EPHB2: variants seen among roughly 807,000 people sequenced by gnomAD.
EPHB2 encodes the protein ephrin type-B receptor 2.
EPHB2 carries 18 observed loss-of-function variants against 96.4 expected under a neutral mutation model. The observed-to-expected ratio is 0.19, with a 90% confidence interval of 0.13 to 0.28. The LOEUF (loss-of-function observed/expected upper bound fraction) is 0.28. Among genes scored for constraint, EPHB2 ranks in the 10% least tolerant of loss-of-function variants. EPHB2 has a pLI of 1.00. For synonymous variants in EPHB2, 506 were observed against 534.1 expected, an observed-to-expected ratio of 0.95 and a Z score of 0.72; for missense variants, 989 against 1,355.4, an observed-to-expected ratio of 0.73 and a Z score of 4.25.
intron 5 of EPHB2, among the ~76,000 whole-genome samples, chr1:22,880,907 C>T (rs899122354): frequency 6.6e-6 from 1 of 152,242 alleles, no homozygotes; most frequent in Non-Finnish European, 1.5e-5. Flanking sequence ...TGCCATGGAC[C>T]TACCTCGGCA....
chr1:22,892,721 T>A (rs1639427816), intron 6 of EPHB2, 163 bp from the exon 7 acceptor site: 1 of 916,880 alleles, frequency 1.1e-6, no homozygotes, highest in African/African-American at 1.6e-5. Flanking sequence ...AAAAGTAACA[T>A]GGCAAAAGGC....
intron 3 of EPHB2, among the ~76,000 whole-genome samples, chr1:22,832,871 GTCCACAGACTCACATGTA>G (rs376341833): frequency 0.018 from 2,351 of 131,136 alleles, 54 homozygotes; most frequent in African/African-American, 0.062. Flanking sequence ...ACAGATAGGT[GTCCACAGACTCACATGTA>G]TAAGTAACAG....
chr1:22,899,022 C>T (rs1639663247), intron 9 of EPHB2, among the ~76,000 whole-genome samples: 1 of 151,788 alleles, frequency 6.6e-6, no homozygotes, highest in African/African-American at 2.4e-5. Flanking sequence ...AGAGAAACCC[C>T]GTCTCTACTG....
rs371109002 is a variant in EPHB2, at chr1:22,906,986, C to T, written c.2136+29C>T. 1 of 1,582,840 alleles carries T rather than the reference C, an allele frequency of 6.3e-7. No homozygotes were observed. Among genetic ancestry groups the T allele is most frequent in the Non-Finnish European group, 8.6e-7 (1 of 1,163,806 alleles). The stretch of plus-strand genomic sequence containing the variant: ...GGGGAAGCCAAGAGGGCCAGGGGCC[C>T]ATGAATGGGGCAGGAAAAGGAACGA... On this transcript the variant is annotated intron_variant, in intron 11 of 15. Transcript: ENST00000374630. The surrounding 1 kb of genome is among the most constrained non-coding windows in gnomAD (Gnocchi z 4.8).
At chr1:22,801,531 C>T (rs116508818) in intron 3 of EPHB2, among the ~76,000 whole-genome samples, 2,029 of 151,932 alleles carry the variant, frequency 0.013, 53 homozygotes, top group African/African-American at 0.046. Context: ...CAGTGGACTC[C>T]GGAACCTTCC....
intron 3 of EPHB2, among the ~76,000 whole-genome samples, chr1:22,849,193 T>C (rs1460672690): frequency 6.6e-6 from 1 of 152,168 alleles, no homozygotes; most frequent in Non-Finnish European, 1.5e-5. Context: ...TTTGCAAATA[T>C]TGTTACTGCT....
chr1:22,860,512 G>A lies in EPHB2; in HGVS notation c.812-2525G>A, dbSNP rs1241371350. 6.6e-6 allele frequency among the ~76,000 whole-genome samples: 1 copy of A among 152,140 alleles called. No individual in the cohort carries two copies. Among genetic ancestry groups the A allele is most frequent in the Non-Finnish European group, 1.5e-5 (1 of 68,018 alleles). On this transcript the variant is annotated intron_variant, in intron 3 of 15. Transcript: ENST00000374630. The surrounding 1 kb of genome is among the most constrained non-coding windows in gnomAD (Gnocchi z 4.6). ...AGGGGCAGCCTGGGGAGTCTGAGAG[G>A]GAGCCAGGACACTGCAAGGGGGAGA...
At chr1:22,828,650 G>A (rs950781416) in intron 3 of EPHB2, among the ~76,000 whole-genome samples, 1 of 152,080 alleles carries the variant, frequency 6.6e-6, no homozygotes, top group East Asian at 1.9e-4. Context: ...CGCCTGTCAC[G>A]GCCACAGAAA....
intron 1 of EPHB2, among the ~76,000 whole-genome samples, chr1:22,748,360 A>G (rs1054397266): frequency 4.0e-5 from 6 of 150,156 alleles, no homozygotes; most frequent in African/African-American, 1.2e-4. Flanking sequence ...CCTTACCTCA[A>G]GGGGGCTTTC....
At chr1:22,772,562 G>A (rs967586661) in intron 1 of EPHB2, among the ~76,000 whole-genome samples, 1 of 152,192 alleles carries the variant, frequency 6.6e-6, no homozygotes, top group Admixed American at 6.5e-5. Context: ...GGAGCTAGTC[G>A]GGGGCTTCTC....
chr1:22,767,279 T>A (rs1020881830), intron 1 of EPHB2, among the ~76,000 whole-genome samples: 5 of 152,096 alleles, frequency 3.3e-5, no homozygotes, highest in African/African-American at 1.2e-4. Context: ...GTGGTCTGAT[T>A]CCATGCTGCC....
At position 22,757,908 on chromosome 1, in the gene EPHB2, CTTTTTTTTTTTTTTTTTT is replaced by C. The variant is rs1224799943; in HGVS notation, c.62-23502_62-23485del. 9.2e-5 allele frequency among the ~76,000 whole-genome samples: 5 copies of C among 54,154 alleles called. No homozygotes were observed. In the South Asian group the frequency reaches 5.2e-3, roughly 56 times the overall value. The allele number at this position is 54,154 out of a possible 152,430, so 35.5% of individuals were successfully genotyped here. ...CCATGCTCACTATGTGTAAGCTATG[CTTTTTTTTTTTTTTTTTT>C]TTTTTTTTTTGAGACGGAGTCTCGC... is the stretch of plus-strand genomic sequence containing the variant. On this transcript the variant is annotated intron_variant, in intron 1 of 15. Transcript: ENST00000374630.
intron 3 of EPHB2, among the ~76,000 whole-genome samples, chr1:22,811,242 G>A (rs1241304160): frequency 3.9e-5 from 6 of 152,170 alleles, no homozygotes; most frequent in African/African-American, 1.4e-4. Context: ...TACCACTGGC[G>A]TAGGAGATCC....
intron 1 of EPHB2, among the ~76,000 whole-genome samples, chr1:22,721,431 AGACTTGTGAGCTGGCCT>A (rs1643463064): frequency 6.6e-6 from 1 of 152,198 alleles, no homozygotes; most frequent in Non-Finnish European, 1.5e-5. Context: ...CAGAGACTCC[AGACTTGTGAGCTGGCCT>A]GCGTTGTGAA....
chr1:22,899,042 A>G (rs999512227), intron 9 of EPHB2, among the ~76,000 whole-genome samples: 3 of 151,758 alleles, frequency 2.0e-5, no homozygotes, highest in African/African-American at 7.3e-5. Context: ...GAAAATACAA[A>G]ATTAGCCGGG....
At chr1:22,722,008 C>T (rs189007620) in intron 1 of EPHB2, among the ~76,000 whole-genome samples, 24 of 152,244 alleles carry the variant, frequency 1.6e-4, no homozygotes, top group African/African-American at 5.5e-4. Flanking sequence ...AGTGCGGTGA[C>T]ACTATCTTGG....
chr1:22,842,595 T>C (rs1460484132), intron 3 of EPHB2, among the ~76,000 whole-genome samples: 1 of 152,060 alleles, frequency 6.6e-6, no homozygotes, highest in Non-Finnish European at 1.5e-5. Flanking sequence ...AACCCTCCCA[T>C]GGTTTGCCAT....
intron 3 of EPHB2, among the ~76,000 whole-genome samples, chr1:22,807,998 G>A (rs1272755949): frequency 6.6e-6 from 1 of 152,160 alleles, no homozygotes; most frequent in Admixed American, 6.5e-5. Flanking sequence ...GCTGGGCATG[G>A]TGGCGTATGC....
chr1:22,790,783 C>T lies in EPHB2; in HGVS notation c.811+5707C>T, dbSNP rs1027833994. The stretch of plus-strand genomic sequence containing the variant: ...ACGTAATGGGATTTTTAATATTTAG[C>T]TTGGATGGGGAGAGGGGCTGCTAGC... On this transcript the variant is annotated intron_variant, in intron 3 of 15. Coordinates refer to ENST00000374630, the MANE Select transcript of EPHB2 (RefSeq NM_017449.5). The surrounding 1 kb of genome is among the most constrained non-coding windows in gnomAD (Gnocchi z 4.0). 2.6e-5 allele frequency among the ~76,000 whole-genome samples: 4 copies of T among 152,196 alleles called. No individual in the cohort carries two copies. The highest frequency in any genetic ancestry group is 4.4e-5 in the Non-Finnish European group (3 of 68,040).
Sources: gnomAD v4.1 joint callset for allele counts (sites outside exome capture counted in the v4.1 genomes callset) on GRCh38, gnomAD v4.1.1 for gene constraint, Gnocchi (gnomAD v3.1) non-coding constraint, MANE v1.5 for transcripts, NCBI Gene and HGNC (gene_info 2026-07-23, HGNC 2026-07-21) for gene names.